The following TEX36 variants were observed in gnomAD, a reference collection of about 807,000 sequenced individuals.
TEX36 encodes the protein testis-expressed protein 36.
A neutral mutation model predicts 13.6 loss-of-function variants in TEX36; 12 were observed. The observed-to-expected ratio is 0.88, with a 90% confidence interval of 0.56 to 1.43. TEX36 has a LOEUF of 1.43. Among genes scored for constraint, TEX36 ranks in the 40% most tolerant of loss-of-function variants. The probability of loss-of-function intolerance (pLI) is 0.00; values close to 1 mark genes in which losing one functional copy is unlikely to be tolerated. For missense variants in TEX36, 224 were observed against 228.3 expected, an observed-to-expected ratio of 0.98 and a Z score of 0.12; for synonymous variants, 93 against 83.0, an observed-to-expected ratio of 1.12 and a Z score of -0.65.
intron 3 of TEX36, among the ~76,000 whole-genome samples, chr10:125,632,145 G>A (rs919535881): frequency 6.6e-6 from 1 of 152,036 alleles, no homozygotes; most frequent in Non-Finnish European, 1.5e-5. Flanking sequence ...CAGGCTTGGG[G>A]CTTTGGTGAC....
chr10:125,629,303 C>A (rs775045939), intron 3 of TEX36, among the ~76,000 whole-genome samples: 1 of 152,178 alleles, frequency 6.6e-6, no homozygotes, highest in Non-Finnish European at 1.5e-5. Flanking sequence ...TCAGAAAAAA[C>A]CCATGTTCTG....
chr10:125,603,963 T>C (rs761358874), intron 3 of TEX36, among the ~76,000 whole-genome samples: 5 of 151,876 alleles, frequency 3.3e-5, no homozygotes, highest in Non-Finnish European at 5.9e-5. Context: ...GGCCCTAGGG[T>C]ATAAGGGGCC....
chr10:125,584,983 T>A (rs1453352556), intron 3 of TEX36, among the ~76,000 whole-genome samples: 3 of 152,240 alleles, frequency 2.0e-5, no homozygotes, highest in African/African-American at 7.2e-5. Context: ...ATAGCTCAGA[T>A]GAATGTCTCA....
intron 3 of TEX36, among the ~76,000 whole-genome samples, chr10:125,584,168 G>A (rs1177379424): frequency 2.6e-5 from 4 of 152,212 alleles, no homozygotes; most frequent in Non-Finnish European, 5.9e-5. Context: ...GGACCCAACA[G>A]CCCCAGGACA....
chr10:125,624,587 C>A (rs1413584685), intron 3 of TEX36, among the ~76,000 whole-genome samples: 2 of 151,930 alleles, frequency 1.3e-5, no homozygotes, highest in Non-Finnish European at 2.9e-5. Flanking sequence ...ACACTCCCCA[C>A]CAAGCTTGTT....
chr10:125,578,371 G>A (rs1205782970), intron 3 of TEX36: 1 of 152,260 alleles, frequency 6.6e-6, no homozygotes, highest in Non-Finnish European at 1.5e-5. Context: ...CACAAGGATA[G>A]TGATTGAGTA....
chr10:125,676,189 T>C (rs1049283923), intron 1 of TEX36, among the ~76,000 whole-genome samples: 2 of 152,246 alleles, frequency 1.3e-5, no homozygotes, highest in Non-Finnish European at 2.9e-5. Flanking sequence ...GTCTAGATTG[T>C]CTGTCTAATG....
intron 3 of TEX36, among the ~76,000 whole-genome samples, chr10:125,614,975 T>C (rs1846338757): frequency 6.6e-6 from 1 of 152,212 alleles, no homozygotes; most frequent in Non-Finnish European, 1.5e-5. Context: ...TGGTTTGTAG[T>C]TCTCCTTGAA....
At chr10:125,675,797 G>A (rs917624152) in intron 1 of TEX36, among the ~76,000 whole-genome samples, 1 of 152,122 alleles carries the variant, frequency 6.6e-6, no homozygotes, top group Non-Finnish European at 1.5e-5. Context: ...TTCTCAGTAG[G>A]AACCTCCAAC....
intron 3 of TEX36, among the ~76,000 whole-genome samples, chr10:125,597,933 T>C (rs1846101591): frequency 6.6e-6 from 1 of 152,204 alleles, no homozygotes; most frequent in Non-Finnish European, 1.5e-5. Flanking sequence ...ATTGTTGAAG[T>C]TATTATTTCC....
intron 3 of TEX36, among the ~76,000 whole-genome samples, chr10:125,629,331 T>A (rs562756770): frequency 6.6e-6 from 1 of 152,366 alleles, no homozygotes; most frequent in South Asian, 2.1e-4. Flanking sequence ...TGTTTCCTCA[T>A]CTTTCTTGAA....
chr10:125,601,722 C>A (rs1846149665), intron 3 of TEX36, among the ~76,000 whole-genome samples: 1 of 152,164 alleles, frequency 6.6e-6, no homozygotes, highest in Non-Finnish European at 1.5e-5. Context: ...GCAGGCAGTC[C>A]CTGGCTTCAG....
chr10:125,581,281 T>C (rs574489336), intron 3 of TEX36, among the ~76,000 whole-genome samples: 2 of 152,270 alleles, frequency 1.3e-5, no homozygotes, highest in African/African-American at 4.8e-5. Context: ...CCCATTCTAG[T>C]ACCGAGAAGA....
chr10:125,680,867 T>G (rs990471067), intron 1 of TEX36, among the ~76,000 whole-genome samples: 3 of 152,196 alleles, frequency 2.0e-5, no homozygotes, highest in Non-Finnish European at 4.4e-5. Context: ...GGGGTCTTGA[T>G]AGAAGGATAA....
chr10:125,663,199 G>A (rs1184228101), intron 1 of TEX36, among the ~76,000 whole-genome samples: 1 of 152,150 alleles, frequency 6.6e-6, no homozygotes, highest in Non-Finnish European at 1.5e-5. Context: ...TACCTGATAT[G>A]GTAGATTTGA....
chr10:125,639,726 G>A (rs948214946), intron 3 of TEX36, among the ~76,000 whole-genome samples: 3 of 152,204 alleles, frequency 2.0e-5, no homozygotes, highest in African/African-American at 7.2e-5. Flanking sequence ...GTTGATTGAA[G>A]TTATCCAACA....
At chr10:125,653,815 C>G (rs901217741), downstream of TEX36, among the ~76,000 whole-genome samples, 13 of 151,888 alleles carry the variant, frequency 8.6e-5, no homozygotes, top group African/African-American at 2.4e-4. Flanking sequence ...CCCATCCCTA[C>G]AAAAAACAAT....
intron 1 of TEX36, chr10:125,667,287 T>A (rs1255969664): frequency 1.6e-6 from 1 of 630,050 alleles, no homozygotes; most frequent in South Asian, 1.5e-5. Context: ...CCAAGATAGA[T>A]GTGTTGATCA....
intron 3 of TEX36, chr10:125,578,269 C>G (rs1398609775): frequency 6.6e-6 from 1 of 152,194 alleles, no homozygotes; most frequent in Non-Finnish European, 1.5e-5. Flanking sequence ...AACCCACAGG[C>G]TTGAGCTGCT....
Sources: allele counts gnomAD v4.1 joint callset (sites outside exome capture counted in the v4.1 genomes callset), GRCh38; gene constraint gnomAD v4.1.1; transcripts MANE v1.5; gene names NCBI Gene and HGNC (gene_info 2026-07-23, HGNC 2026-07-21).